The following TINAG variants were observed in gnomAD, a reference collection of about 807,000 sequenced individuals.
TINAG encodes tubulointerstitial nephritis antigen.
A neutral mutation model predicts 72.7 loss-of-function variants in TINAG; 83 were observed. The ratio of observed to expected loss-of-function variants is 1.14; its 90% CI spans 0.96 to 1.37. The LOEUF is 1.37. Among genes scored for constraint, TINAG ranks in the 40% most tolerant of loss-of-function variants. TINAG has a pLI of 0.00. For synonymous variants in TINAG, 234 were observed against 189.9 expected (o/e 1.23, Z -1.91); for missense variants, 685 against 576.6 (o/e 1.19, Z -1.93).
intron 9 of TINAG, among the ~76,000 whole-genome samples, chr6:54,372,858 C>A (rs1315032918): frequency 1.3e-5 from 2 of 151,038 alleles, no homozygotes; most frequent in African/African-American, 4.9e-5. Flanking sequence ...TGGCAATTTG[C>A]AATGTCTTCT....
intron 4 of TINAG, among the ~76,000 whole-genome samples, chr6:54,333,625 A>AT (rs1277818500): frequency 5.0e-5 from 7 of 140,424 alleles, no homozygotes; most frequent in Non-Finnish European, 1.0e-4. Context: ...ATAAAAAAAA[A>AT]AAAAATAAAA....
chr6:54,347,552 T>A, intron 6 of TINAG, 35 bp downstream of exon 6: 1 of 1,606,660 alleles, frequency 6.2e-7, no homozygotes, highest in Non-Finnish European at 8.5e-7. Flanking sequence ...TCTAGGATTT[T>A]TATGAATGAT....
At chr6:54,373,439 C>A (rs950063407) in intron 9 of TINAG, among the ~76,000 whole-genome samples, 1 of 152,074 alleles carries the variant, frequency 6.6e-6, no homozygotes, top group Non-Finnish European at 1.5e-5. Flanking sequence ...TGATTCTACT[C>A]TTTTTCTGCC....
In TINAG at chr6:54,317,617, G is replaced by T. The variant is rs111617094; in HGVS notation, c.356-2962G>T. 9.9e-5 allele frequency among the ~76,000 whole-genome samples: 15 copies of T among 152,010 alleles called. 2 individuals carry two copies. Among genetic ancestry groups the T allele is most frequent in the African/African-American group, 3.6e-4 (15 of 41,454 alleles). On this transcript the variant is annotated intron_variant, in intron 1 of 10. Transcript: ENST00000259782. Reference sequence around the variant, plus strand: ...TTCTTTTGTAAATTACTCAGTCTTGGGTATGTCTTTATTAGCAGTGTGAGA... The same window carrying T: ...TTCTTTTGTAAATTACTCAGTCTTGTGTATGTCTTTATTAGCAGTGTGAGA...
At chr6:54,345,030 A>G (rs576456921) in intron 5 of TINAG, among the ~76,000 whole-genome samples, 114 of 152,284 alleles carry the variant, frequency 7.5e-4, no homozygotes, top group African/African-American at 2.6e-3. Context: ...ATGTAATCAA[A>G]TCAAATTCAA....
At chr6:54,311,086 C>G (rs75627113) in intron 1 of TINAG, among the ~76,000 whole-genome samples, 53 of 151,822 alleles carry the variant, frequency 3.5e-4, no homozygotes, top group African/African-American at 1.2e-3. Flanking sequence ...TTTTATATAC[C>G]CTTTAACAGC....
intron 4 of TINAG, 94 bp from the exon 5 acceptor site, chr6:54,343,132 A>G: frequency 1.8e-6 from 2 of 1,119,212 alleles, no homozygotes; most frequent in Non-Finnish European, 2.3e-6. Flanking sequence ...AAAATAATTT[A>G]AAAAATAATT....
chr6:54,331,637 T>C (rs1400696718), intron 4 of TINAG, among the ~76,000 whole-genome samples: 2 of 152,092 alleles, frequency 1.3e-5, no homozygotes, highest in African/African-American at 4.8e-5. Context: ...CGAAATAAAG[T>C]GTATTCATAA....
chr6:54,385,829 AATCAATATAGTTC>A, intron 10 of TINAG, among the ~76,000 whole-genome samples: 1 of 151,978 alleles, frequency 6.6e-6, no homozygotes, highest in East Asian at 1.9e-4. Context: ...TACTAAAATC[AATCAATATAGTTC>A]ATCAAATTAT....
chr6:54,350,956 C>T (rs963796558), intron 7 of TINAG, among the ~76,000 whole-genome samples: 1 of 151,684 alleles, frequency 6.6e-6, no homozygotes. Flanking sequence ...CTACAGAGGG[C>T]TTCATTAAAC....
At position 54,354,728 on chromosome 6, in the gene TINAG, G is replaced by T. The variant is rs532756053; in HGVS notation, c.1250+92G>T. ...TGTTTTAAATGCTAGAATCCCCTTT[G>T]TAGGAGAGATTGTGATACAAATGAA... On this transcript the variant is annotated intron_variant, in intron 9 of 10. Coordinates refer to ENST00000259782, the MANE Select transcript of TINAG (RefSeq NM_014464.4). 90 of 1,315,794 alleles carry T rather than the reference G, an allele frequency of 6.8e-5. No individual in the cohort carries two copies. The African/African-American group carries it at 9.1e-4, about 13-fold the overall frequency. The allele number at this position is 1,315,794 out of a possible 1,614,324, so 81.5% of individuals were successfully genotyped here.
intron 9 of TINAG, among the ~76,000 whole-genome samples, chr6:54,363,809 A>G (rs1367267493): frequency 1.3e-5 from 2 of 151,392 alleles, no homozygotes; most frequent in Non-Finnish European, 3.0e-5. Context: ...GAGGTTTAAA[A>G]AGAAAAAAGT....
At chr6:54,386,488 C>T (rs1311792116) in intron 10 of TINAG, among the ~76,000 whole-genome samples, 1 of 152,108 alleles carries the variant, frequency 6.6e-6, no homozygotes, top group Non-Finnish European at 1.5e-5. Context: ...CCCCCATTTT[C>T]TTGCTGACTG....
chr6:54,382,590 G>C (rs892487581), intron 10 of TINAG, among the ~76,000 whole-genome samples: 1 of 152,058 alleles, frequency 6.6e-6, no homozygotes, highest in Non-Finnish European at 1.5e-5. Flanking sequence ...AGATGATATA[G>C]ATATTGGTAT....
intron 4 of TINAG, among the ~76,000 whole-genome samples, chr6:54,331,520 T>C (rs1784741486): frequency 6.6e-6 from 1 of 152,206 alleles, no homozygotes; most frequent in South Asian, 2.1e-4. Context: ...GGGCAAAAGC[T>C]GGAAGCTTTT....
chr6:54,334,076 G>C (rs978563829), intron 4 of TINAG, among the ~76,000 whole-genome samples: 2 of 152,144 alleles, frequency 1.3e-5, no homozygotes, highest in African/African-American at 4.8e-5. Context: ...GCACAAAGAA[G>C]TTTCTACCTC....
intron 4 of TINAG, 119 bp from the exon 5 acceptor site, chr6:54,343,107 G>A (rs957480013): frequency 1.1e-6 from 1 of 907,588 alleles, no homozygotes; most frequent in East Asian, 3.3e-5. Context: ...AGTTCATCTG[G>A]AAACTTGGAT....
intron 9 of TINAG, among the ~76,000 whole-genome samples, chr6:54,359,296 A>G (rs1763153736): frequency 6.6e-6 from 1 of 151,712 alleles, no homozygotes; most frequent in Non-Finnish European, 1.5e-5. Context: ...ACTTTTTCCT[A>G]TATATGTTTC....
At chr6:54,357,661 C>T (rs1019088245) in intron 9 of TINAG, among the ~76,000 whole-genome samples, 3 of 151,780 alleles carry the variant, frequency 2.0e-5, no homozygotes, top group African/African-American at 7.3e-5. Context: ...CTCTTTTGGC[C>T]CTTTCAACGT....
Sources: allele counts gnomAD v4.1 joint callset (sites outside exome capture counted in the v4.1 genomes callset), GRCh38; gene constraint gnomAD v4.1.1; transcripts MANE v1.5; gene names NCBI Gene and HGNC (gene_info 2026-07-23, HGNC 2026-07-21).